The following RAB40A variants were observed in gnomAD, a reference collection of about 807,000 sequenced individuals.
RAB40A encodes RAB40A, member RAS oncogene family, also known as ras-related protein Rab-40A.
For synonymous variants in RAB40A, 65 were observed against 99.9 expected (o/e 0.65, Z 2.08); for missense variants, 145 against 230.2 (o/e 0.63, Z 2.40).
At chrX:103,507,587 TG>T (rs1483554868) in intron 2 of RAB40A, among the ~76,000 whole-genome samples, 2 of 98,370 alleles carry the variant, frequency 2.0e-5, no homozygotes, top group Admixed American at 2.0e-4. Context: ...AAATAACAAC[TG>T]AAAAAAAACC....
chrX:103,514,230 C>A (rs1490645173), intron 2 of RAB40A, among the ~76,000 whole-genome samples: 1 of 111,842 alleles, frequency 8.9e-6, no homozygotes, highest in Non-Finnish European at 1.9e-5. Context: ...AAAATAACAC[C>A]ATATTTCATG....
intron 2 of RAB40A, among the ~76,000 whole-genome samples, chrX:103,512,110 A>G (rs1477386295): frequency 9.0e-6 from 1 of 111,692 alleles, no homozygotes; most frequent in Non-Finnish European, 1.9e-5. Context: ...GCAAGGCCCA[A>G]TTGACACCTG....
Position 103,502,918 on chromosome X carries a change from C to T in RAB40A, c.-70-2092G>A, listed in dbSNP as rs189632433. On this transcript the variant is annotated intron_variant, in intron 2 of 2. Transcript: ENST00000304236. The stretch of plus-strand genomic sequence containing the variant: ...TTCAATGGCCCTTTAAATGCTGAGA[C>T]ACAGAAGTGGGGGCTGGCTGAGCCT... 1.2e-3 allele frequency: 927 copies of T among 763,928 alleles called. 6 individuals are homozygous for T. In the African/African-American group the frequency reaches 0.019, roughly 16 times the overall value. The allele number at this position is 763,928 out of a possible 1,213,427, so 63.0% of individuals were successfully genotyped here.
At chrX:103,494,725 T>C (rs1048160039), downstream of RAB40A, among the ~76,000 whole-genome samples, 28 of 112,016 alleles carry the variant, frequency 2.5e-4, no homozygotes, top group Non-Finnish European at 2.8e-4. Flanking sequence ...ATGGGTTCAC[T>C]GTAGGTGTGT....
intron 2 of RAB40A, chrX:103,503,206 A>G (rs2073237894): frequency 4.0e-6 from 3 of 751,660 alleles, no homozygotes; most frequent in Non-Finnish European, 4.7e-6. Flanking sequence ...GTAAAAACAT[A>G]TGCGCCAGGG....
intron 2 of RAB40A, among the ~76,000 whole-genome samples, chrX:103,505,041 A>G (rs1042471756): frequency 1.8e-5 from 2 of 112,030 alleles, no homozygotes; most frequent in Non-Finnish European, 3.8e-5. Flanking sequence ...ATACCTCCAA[A>G]AGTAAACTAC....
chrX:103,501,473 C>T (rs1236297500), intron 2 of RAB40A: 1 of 123,275 alleles, frequency 8.1e-6, no homozygotes, highest in Non-Finnish European at 1.9e-5. Context: ...GGGGACATCT[C>T]CCATAAATAT....
intron 2 of RAB40A, among the ~76,000 whole-genome samples, chrX:103,505,444 C>CA (rs751439426): frequency 8.9e-6 from 1 of 112,075 alleles, no homozygotes; most frequent in Non-Finnish European, 1.9e-5. Flanking sequence ...AAACTGTTCT[C>CA]ACCAATTTAC....
intron 2 of RAB40A, among the ~76,000 whole-genome samples, chrX:103,513,050 T>C (rs1017103147): frequency 9.0e-6 from 1 of 111,632 alleles, no homozygotes; most frequent in Non-Finnish European, 1.9e-5. Context: ...TGAATCTATA[T>C]ACATGACATC....
intron 2 of RAB40A, among the ~76,000 whole-genome samples, chrX:103,510,040 G>C (rs759180090): frequency 1.8e-5 from 2 of 111,323 alleles, no homozygotes; most frequent in African/African-American, 6.5e-5. Flanking sequence ...TCCTGACCTC[G>C]TGATCCACCC....
chrX:103,500,865 G>T, intron 2 of RAB40A, 39 bp from the exon 3 acceptor site: 1 of 1,103,596 alleles, frequency 9.1e-7, no homozygotes, highest in Non-Finnish European at 1.2e-6. Flanking sequence ...AAAATGAGAT[G>T]GGGAAGTCTG....
intron 2 of RAB40A, among the ~76,000 whole-genome samples, chrX:103,515,315 G>A (rs1456984497): frequency 1.8e-5 from 2 of 112,259 alleles, no homozygotes; most frequent in African/African-American, 3.2e-5. Context: ...AAAAAGTAAC[G>A]AAGTGATTAT....
rs993144564 is a variant in RAB40A, at chrX:103,510,946, T to A, written c.-71+6428A>T. 2.7e-5 allele frequency among the ~76,000 whole-genome samples: 3 copies of A among 112,100 alleles called. No homozygotes were observed. In the Admixed American group the frequency reaches 2.8e-4, roughly 11 times the overall value. On this transcript the variant is annotated intron_variant, in intron 2 of 2. Transcript: ENST00000304236. ...ACTGATAATTATCAATTTTAATTTT[T>A]GCCTAGTTAACTGGGAAAAATCAAG...
intron 2 of RAB40A, among the ~76,000 whole-genome samples, chrX:103,505,575 C>T (rs1351398637): frequency 2.7e-5 from 3 of 111,231 alleles, no homozygotes; most frequent in Non-Finnish European, 5.7e-5. Context: ...AAACGTTAAG[C>T]GCCTTTTTAT....
intron 2 of RAB40A, chrX:103,503,036 A>T (rs763385650): frequency 6.3e-5 from 47 of 750,370 alleles, no homozygotes; most frequent in Non-Finnish European, 7.4e-5. Context: ...TCTCTCTCTG[A>T]TATGCCTTGA....
chrX:103,493,336 C>T, the RAB40A span, among the ~76,000 whole-genome samples: 1 of 111,142 alleles, frequency 9.0e-6, no homozygotes. Context: ...TTTGGGGATA[C>T]ATGAGATTTT....
At chrX:103,509,388 C>A (rs1356340357) in intron 2 of RAB40A, among the ~76,000 whole-genome samples, 1 of 69,827 alleles carries the variant, frequency 1.4e-5, no homozygotes, top group African/African-American at 5.5e-5. Context: ...TTTCTCCTCT[C>A]CCCTTTCCTT....
intron 2 of RAB40A, among the ~76,000 whole-genome samples, chrX:103,508,160 G>C (rs2073266450): frequency 8.9e-6 from 1 of 111,866 alleles, no homozygotes; most frequent in Non-Finnish European, 1.9e-5. Context: ...CAGGTCTCTT[G>C]GCACAAAGCA....
chrX:103,519,193 T>A (rs999120684), intron 1 of RAB40A, among the ~76,000 whole-genome samples, 177 bp downstream of exon 1: 1 of 111,938 alleles, frequency 8.9e-6, no homozygotes, highest in Non-Finnish European at 1.9e-5. Context: ...TTTTGTTAAA[T>A]TTTTTTATTA....
Sources: allele counts gnomAD v4.1 joint callset (sites outside exome capture counted in the v4.1 genomes callset), GRCh38; gene constraint gnomAD v4.1.1; transcripts MANE v1.5; gene names NCBI Gene and HGNC (gene_info 2026-07-23, HGNC 2026-07-21).